The following SLC7A1 variants were observed in gnomAD, a reference collection of about 807,000 sequenced individuals.
SLC7A1 encodes the protein high affinity cationic amino acid transporter 1.
A neutral mutation model predicts 53.9 loss-of-function variants in SLC7A1; 10 were observed. That is an observed-to-expected ratio of 0.19 (90% CI 0.11 to 0.31). SLC7A1 has a LOEUF of 0.31. Among genes scored for constraint, SLC7A1 ranks in the 10% least tolerant of loss-of-function variants. SLC7A1 has a pLI of 1.00. For missense variants in SLC7A1, 525 were observed against 827.2 expected, an observed-to-expected ratio of 0.63 and a Z score of 4.48; for synonymous variants, 342 against 338.7, an observed-to-expected ratio of 1.01 and a Z score of -0.11.
chr13:29,584,162 G>A (rs1871775917), intron 1 of SLC7A1, among the ~76,000 whole-genome samples: 1 of 148,194 alleles, frequency 6.7e-6, no homozygotes, highest in African/African-American at 2.5e-5. Flanking sequence ...TGCCCAGGCT[G>A]GAGTGCAATG....
chr13:29,533,164 G>A (rs1237492859), intron 3 of SLC7A1, among the ~76,000 whole-genome samples, 182 bp from the exon 4 acceptor site: 4 of 152,192 alleles, frequency 2.6e-5, no homozygotes, highest in African/African-American at 7.2e-5. Context: ...TGCTAAGTGC[G>A]AGAAGGCTTC....
chr13:29,520,708 ATC>A (rs2139074971), intron 8 of SLC7A1, among the ~76,000 whole-genome samples: 1 of 152,366 alleles, frequency 6.6e-6, no homozygotes, highest in African/African-American at 2.4e-5. Flanking sequence ...TTCCACAAAT[ATC>A]TCTCAAGCCC....
At chr13:29,544,585 G>T (rs1232858004) in intron 2 of SLC7A1, among the ~76,000 whole-genome samples, 3 of 152,146 alleles carry the variant, frequency 2.0e-5, no homozygotes, top group Non-Finnish European at 4.4e-5. Flanking sequence ...CATCTGGGGA[G>T]ATTTTTTTAA....
intron 1 of SLC7A1, among the ~76,000 whole-genome samples, chr13:29,582,040 G>A (rs1302751632): frequency 6.6e-6 from 1 of 152,222 alleles, no homozygotes; most frequent in Non-Finnish European, 1.5e-5. Flanking sequence ...GCCTGGCAAG[G>A]CGCTAAAAGC....
chr13:29,523,133 A>C, intron 7 of SLC7A1, 133 bp downstream of exon 7: 1 of 731,020 alleles, frequency 1.4e-6, no homozygotes, highest in Non-Finnish European at 2.4e-6. Flanking sequence ...TGGGTTGGGT[A>C]CTGGGTCTAT....
intron 4 of SLC7A1, among the ~76,000 whole-genome samples, chr13:29,531,721 C>A (rs1869171963): frequency 6.6e-6 from 1 of 152,062 alleles, no homozygotes; most frequent in African/African-American, 2.4e-5. Context: ...GTAATCGCAG[C>A]TACTGGGGAG....
chr13:29,511,508 T>C lies in SLC7A1; in HGVS notation c.*2972A>G, dbSNP rs1883388427. On this transcript the variant is annotated 3_prime_UTR_variant, in exon 13 of 13. Coordinates refer to ENST00000380752, the MANE Select transcript of SLC7A1 (RefSeq NM_003045.5). The stretch of plus-strand genomic sequence containing the variant: ...GACAAGGGTGTGTGAGCAGGGATGA[T>C]AAGTAGAGTGGGGGGTGTGTAGAGG... 1 of 152,170 alleles carries C rather than the reference T, an allele frequency of 6.6e-6. No homozygotes were observed. The highest frequency in any genetic ancestry group is 2.4e-5 in the African/African-American group (1 of 41,420). The allele number at this position is 152,170 out of a possible 1,614,324, so 9.4% of individuals were successfully genotyped here. A position where few individuals can be genotyped will look rare whatever the true frequency, so the allele number is the denominator to read the frequency against.
At chr13:29,518,582 A>G (rs1868467674) in intron 9 of SLC7A1, among the ~76,000 whole-genome samples, 1 of 152,148 alleles carries the variant, frequency 6.6e-6, no homozygotes. Flanking sequence ...GACCTCAGAG[A>G]ATATTCTAGC....
chr13:29,515,860 TG>T (rs1883539511), intron 12 of SLC7A1, among the ~76,000 whole-genome samples: 1 of 152,266 alleles, frequency 6.6e-6, no homozygotes, highest in South Asian at 2.1e-4. Flanking sequence ...CTTTCCTGTC[TG>T]GGGTGAAAAT....
chr13:29,578,982 A>G (rs1401691973), intron 1 of SLC7A1, among the ~76,000 whole-genome samples: 1 of 152,220 alleles, frequency 6.6e-6, no homozygotes, highest in Non-Finnish European at 1.5e-5. Flanking sequence ...AGGGCAGAAG[A>G]GAAACAGATA....
At chr13:29,538,259 G>T (rs951079516) in intron 2 of SLC7A1, among the ~76,000 whole-genome samples, 4 of 152,172 alleles carry the variant, frequency 2.6e-5, no homozygotes, top group African/African-American at 7.2e-5. Flanking sequence ...GGAAGGAAAT[G>T]ATATCATGGT....
intron 1 of SLC7A1, 56 bp from the exon 2 acceptor site, chr13:29,553,916 A>C (rs1287013818): frequency 2.0e-5 from 3 of 149,286 alleles, no homozygotes; most frequent in Non-Finnish European, 4.4e-5. Flanking sequence ...AGAATCTCTA[A>C]GTCTGTGGCT....
intron 1 of SLC7A1, among the ~76,000 whole-genome samples, chr13:29,576,110 A>G (rs939756859): frequency 1.3e-5 from 2 of 151,944 alleles, no homozygotes; most frequent in Admixed American, 6.6e-5. Flanking sequence ...GAACATAGCA[A>G]AGCTCTGTCT....
At chr13:29,550,628 G>A (rs1206894394) in intron 2 of SLC7A1, among the ~76,000 whole-genome samples, 2 of 152,196 alleles carry the variant, frequency 1.3e-5, no homozygotes, top group Non-Finnish European at 2.9e-5. Context: ...TACAACTAGA[G>A]AACGTGAATT....
intron 1 of SLC7A1, among the ~76,000 whole-genome samples, chr13:29,566,887 G>C (rs1208968303): frequency 6.6e-6 from 1 of 152,186 alleles, no homozygotes; most frequent in African/African-American, 2.4e-5. Flanking sequence ...AAGTTCGGTT[G>C]CTAAGGCAGC....
At chr13:29,517,362 C>T in intron 10 of SLC7A1, 52 bp from the exon 11 acceptor site, 1 of 1,556,180 alleles carries the variant, frequency 6.4e-7, no homozygotes, top group Non-Finnish European at 8.7e-7. Context: ...TTCCCAATTT[C>T]CCACAGGCAT....
rs146266561 is a variant in SLC7A1 at position 29,593,800 on chromosome 13, C to T, written c.-115+1616G>A. 4.8e-3 allele frequency among the ~76,000 whole-genome samples: 722 copies of T among 151,734 alleles called. 6 individuals carry two copies. The highest frequency in any genetic ancestry group is 0.017 in the African/African-American group (684 of 41,352). On this transcript the variant is annotated intron_variant, in intron 1 of 12. Transcript: ENST00000380752. The stretch of plus-strand genomic sequence containing the variant: ...CACCTAAAGCAAGTAATCATATGTA[C>T]AGGAGCACGTGGCTCTAGGATCCAG...
intron 1 of SLC7A1, among the ~76,000 whole-genome samples, chr13:29,575,182 T>C (rs1477635771): frequency 6.6e-6 from 1 of 152,216 alleles, no homozygotes; most frequent in Non-Finnish European, 1.5e-5. Context: ...TGTGTTACCG[T>C]TGCAACTGTT....
intron 1 of SLC7A1, among the ~76,000 whole-genome samples, chr13:29,582,409 C>T (rs1211875107): frequency 3.9e-5 from 6 of 152,256 alleles, no homozygotes; most frequent in East Asian, 1.9e-4. Context: ...ACACCCCTGC[C>T]GTCCCAAGGC....
Sources: allele counts gnomAD v4.1 joint callset (sites outside exome capture counted in the v4.1 genomes callset), GRCh38; gene constraint gnomAD v4.1.1; transcripts MANE v1.5; gene names NCBI Gene and HGNC (gene_info 2026-07-23, HGNC 2026-07-21).